RUVBL1: variants seen among roughly 807,000 people sequenced by gnomAD.
The protein encoded by RUVBL1 is ruvB-like 1.
A neutral mutation model predicts 52.4 loss-of-function variants in RUVBL1; 4 were observed. The observed-to-expected ratio is 0.08, with a 90% CI of 0.04 to 0.17. The LOEUF (loss-of-function observed/expected upper bound fraction) is 0.17, where lower values mean the gene tolerates loss of function less well. RUVBL1 is among the 10% of genes least tolerant of loss of function. The pLI is 1.00. For synonymous variants in RUVBL1, 217 were observed against 214.4 expected (o/e 1.01, Z -0.10); for missense variants, 298 against 572.8 (o/e 0.52, Z 4.90).
intron 2 of RUVBL1, among the ~76,000 whole-genome samples, chr3:128,114,547 G>A (rs1439662778): frequency 1.3e-5 from 2 of 152,062 alleles, no homozygotes; most frequent in Admixed American, 6.6e-5. Flanking sequence ...TGGCAAACTC[G>A]TTGCTCACAG....
At chr3:128,110,433 G>A (rs1252450755) in intron 3 of RUVBL1, among the ~76,000 whole-genome samples, 1 of 152,080 alleles carries the variant, frequency 6.6e-6, no homozygotes, top group Non-Finnish European at 1.5e-5. Context: ...GGAGTTAAAG[G>A]CCAGCCTGGG....
At chr3:128,112,162 T>C (rs1234527312) in intron 3 of RUVBL1, among the ~76,000 whole-genome samples, 1 of 152,216 alleles carries the variant, frequency 6.6e-6, no homozygotes, top group Non-Finnish European at 1.5e-5. Flanking sequence ...AAGTCCTAGC[T>C]AGCAAAAAGC....
intron 1 of RUVBL1, among the ~76,000 whole-genome samples, chr3:128,144,331 T>C (rs1446787068): frequency 6.6e-6 from 1 of 152,246 alleles, no homozygotes; most frequent in Non-Finnish European, 1.5e-5. Context: ...TTGGCCTTAA[T>C]GAAGTTGAAT....
chr3:128,111,148 C>T (rs1943382978), intron 3 of RUVBL1, among the ~76,000 whole-genome samples: 1 of 151,662 alleles, frequency 6.6e-6, no homozygotes, highest in African/African-American at 2.4e-5. Flanking sequence ...TCGCTTGAAC[C>T]CAGGAGGCTG....
intron 6 of RUVBL1, among the ~76,000 whole-genome samples, chr3:128,100,370 G>A (rs1943083605): frequency 6.6e-6 from 1 of 152,204 alleles, no homozygotes; most frequent in African/African-American, 2.4e-5. Context: ...CAGAGGCTTG[G>A]CTGGGATAAG....
chr3:128,104,737 G>C (rs1192705448), intron 4 of RUVBL1, 36 bp downstream of exon 4: 2 of 1,572,354 alleles, frequency 1.3e-6, no homozygotes, highest in African/African-American at 1.3e-5. Context: ...AGTGCTGGGA[G>C]AGTCAAGGGA....
At chr3:128,134,458 C>A (rs1285164167) in intron 1 of RUVBL1, among the ~76,000 whole-genome samples, 52 of 107,552 alleles carry the variant, frequency 4.8e-4, no homozygotes, top group South Asian at 9.9e-4. Flanking sequence ...GTGAAACTGT[C>A]AAAAAAAAAA....
chr3:128,066,810 A>G, intron 9 of RUVBL1: 1 of 703,628 alleles, frequency 1.4e-6, no homozygotes, highest in Non-Finnish European at 2.4e-6. Flanking sequence ...AGTGGGCACA[A>G]GCTCTCGGAA....
chr3:128,115,676 T>C (rs1390155906), intron 2 of RUVBL1, among the ~76,000 whole-genome samples: 1 of 152,236 alleles, frequency 6.6e-6, no homozygotes, highest in East Asian at 1.9e-4. Context: ...TCTAGCAATA[T>C]GGCACACTGG....
intron 2 of RUVBL1, 63 bp from the exon 3 acceptor site, chr3:128,113,083 A>G: frequency 1.3e-6 from 2 of 1,580,418 alleles, no homozygotes; most frequent in Non-Finnish European, 8.6e-7. Flanking sequence ...TCAGAAACAC[A>G]TGCTACAGAA....
At chr3:128,111,255 G>A (rs1576467239) in intron 3 of RUVBL1, among the ~76,000 whole-genome samples, 1 of 148,300 alleles carries the variant, frequency 6.7e-6, no homozygotes, top group East Asian at 2.0e-4. Flanking sequence ...TTTTCTAACT[G>A]CTTCAAAGTC....
chr3:128,097,197 C>T, intron 8 of RUVBL1, 103 bp downstream of exon 8: 1 of 1,156,296 alleles, frequency 8.6e-7, no homozygotes, highest in Non-Finnish European at 1.3e-6. Flanking sequence ...CATGACCTCC[C>T]CTCATCCCTG....
chr3:128,083,488 C>T (rs1274594358), intron 9 of RUVBL1: 1 of 152,390 alleles, frequency 6.6e-6, no homozygotes, highest in South Asian at 2.1e-4. Context: ...CATCAAGCCT[C>T]GCCTGTCAGC....
chr3:128,124,031 A>G (rs1943725959), upstream of RUVBL1, among the ~76,000 whole-genome samples: 2 of 152,108 alleles, frequency 1.3e-5, no homozygotes, highest in Non-Finnish European at 1.5e-5. Flanking sequence ...GATTTGATCT[A>G]GGGCTGGGGC....
intron 5 of RUVBL1, 132 bp from the exon 6 acceptor site, chr3:128,100,876 T>G: frequency 2.0e-6 from 2 of 990,276 alleles, no homozygotes; most frequent in East Asian, 5.4e-5. Context: ...ACTCCAAATA[T>G]GCCCCACTCC....
At chr3:128,085,670 T>C (rs553343845) in intron 9 of RUVBL1, among the ~76,000 whole-genome samples, 3 of 152,254 alleles carry the variant, frequency 2.0e-5, no homozygotes, top group Non-Finnish European at 2.9e-5. Flanking sequence ...TCCTGATGCA[T>C]CCCCACAGCA....
Position 128,150,876 on chromosome 3 carries a change from ATTC to A in RUVBL1, c.-40+2324_-40+2326del, listed in dbSNP as rs1371695637. On this transcript the variant is annotated intron_variant, in intron 1 of 9. Coordinates refer to the RUVBL1 transcript ENST00000464873. ...TATATATTATATATTATATATATATATTCTATATATATATTCTATATATATAAT... is the reference window on the plus strand; with the variant it reads ...TATATATTATATATTATATATATATATATATATATATTCTATATATATAAT... Among the ~76,000 whole-genome samples, 47 of 66,218 alleles carry A rather than the reference ATTC, an allele frequency of 7.1e-4. 1 individual carries two copies. Among genetic ancestry groups the A allele is most frequent in the African/African-American group, 3.4e-3 (44 of 12,854 alleles). 43.4% of individuals were successfully genotyped at this position (66,218 alleles called of 152,430 possible).
intron 7 of RUVBL1, among the ~76,000 whole-genome samples, chr3:128,098,613 C>A (rs1943038142): frequency 6.6e-6 from 1 of 152,178 alleles, no homozygotes; most frequent in African/African-American, 2.4e-5. Context: ...TGTGCTCCAG[C>A]AGAGCTGGGC....
intron 1 of RUVBL1, among the ~76,000 whole-genome samples, chr3:128,119,692 G>A (rs1039049130): frequency 3.9e-5 from 6 of 152,182 alleles, no homozygotes; most frequent in Admixed American, 1.3e-4. Context: ...GAGAGAGAAC[G>A]AGTGGCTAGA....
Sources: gnomAD v4.1 joint callset for allele counts (sites outside exome capture counted in the v4.1 genomes callset) on GRCh38, gnomAD v4.1.1 for gene constraint, MANE v1.5 for transcripts, NCBI Gene and HGNC (gene_info 2026-07-23, HGNC 2026-07-21) for gene names.